The following WWOX variants were observed in gnomAD, a reference collection of about 807,000 sequenced individuals.
WWOX encodes WW domain-containing oxidoreductase.
Under a neutral mutation model 46.2 loss-of-function variants are expected in WWOX, and 69 were observed. The observed-to-expected ratio is 1.49, with a 90% CI of 1.23 to 1.82. The LOEUF (loss-of-function observed/expected upper bound fraction) is 1.82, where lower values mean the gene tolerates loss of function less well. Among genes scored for constraint, WWOX ranks in the 40% most tolerant of loss-of-function variants. The pLI, the probability that WWOX is intolerant of heterozygous loss-of-function variation, is 0.00. For missense variants in WWOX, 919 were observed against 542.6 expected, an observed-to-expected ratio of 1.69 and a Z score of -6.89; for synonymous variants, 359 against 202.6, an observed-to-expected ratio of 1.77 and a Z score of -6.56.
chr16:78,935,732 G>A (rs62035964), intron 8 of WWOX, among the ~76,000 whole-genome samples: 15,650 of 151,768 alleles, frequency 0.1, 1,038 homozygotes, highest in Non-Finnish European at 0.15. Context: ...TTGTGCACAT[G>A]TACCCTAGAA....
chr16:78,200,947 T>C (rs975142024), intron 5 of WWOX, among the ~76,000 whole-genome samples: 1 of 152,210 alleles, frequency 6.6e-6, no homozygotes, highest in Non-Finnish European at 1.5e-5. Context: ...AAGCTTTTGA[T>C]TGAAAGGTAA....
intron 8 of WWOX, among the ~76,000 whole-genome samples, chr16:79,094,033 G>A (rs2049018236): frequency 6.6e-6 from 1 of 152,152 alleles, no homozygotes; most frequent in Admixed American, 6.5e-5. Context: ...TGTCCATGGG[G>A]TCACTCAGAA....
At chr16:78,530,212 C>A (rs892128177) in intron 8 of WWOX, among the ~76,000 whole-genome samples, 1 of 152,182 alleles carries the variant, frequency 6.6e-6, no homozygotes, top group Non-Finnish European at 1.5e-5. Context: ...AGGAGTGTTA[C>A]AGTCAGTGCT....
chr16:78,830,312 A>G (rs1449068177), intron 8 of WWOX, among the ~76,000 whole-genome samples: 1 of 151,936 alleles, frequency 6.6e-6, no homozygotes, highest in Non-Finnish European at 1.5e-5. Flanking sequence ...AAGCATATTT[A>G]TATATATACA....
chr16:79,027,338 C>G (rs1041595045), intron 8 of WWOX, among the ~76,000 whole-genome samples: 1 of 150,378 alleles, frequency 6.6e-6, no homozygotes, highest in African/African-American at 2.5e-5. Flanking sequence ...TAATATAGCT[C>G]TGCAGAACTT....
At chr16:78,782,706 A>G in intron 8 of WWOX, among the ~76,000 whole-genome samples, 1 of 138,778 alleles carries the variant, frequency 7.2e-6, no homozygotes, top group Non-Finnish European at 1.5e-5. Flanking sequence ...TTGTGATCAT[A>G]CTATATATGC....
At chr16:79,178,545 G>C (rs1051556304) in intron 8 of WWOX, among the ~76,000 whole-genome samples, 8 of 152,066 alleles carry the variant, frequency 5.3e-5, no homozygotes, top group African/African-American at 1.4e-4. Flanking sequence ...TCAAACTCCT[G>C]AGCTCAAGTG....
intron 5 of WWOX, among the ~76,000 whole-genome samples, chr16:78,216,358 GTGT>G (rs1217572682): frequency 8.5e-5 from 13 of 152,182 alleles, no homozygotes; most frequent in Non-Finnish European, 1.6e-4. Context: ...TTGTTTCCAA[GTGT>G]ATTAGTTTCT....
chr16:78,128,658 C>G (rs2033458849), intron 4 of WWOX, among the ~76,000 whole-genome samples: 1 of 152,144 alleles, frequency 6.6e-6, no homozygotes, highest in South Asian at 2.1e-4. Context: ...ACTCTTTTTC[C>G]TGGTGATCAC....
chr16:78,387,607 A>G (rs1166946239), intron 6 of WWOX, among the ~76,000 whole-genome samples: 1 of 152,072 alleles, frequency 6.6e-6, no homozygotes. Context: ...AGACAGAGAG[A>G]CAGACAGGAG....
At chr16:78,857,100 A>G (rs1313667823) in intron 8 of WWOX, among the ~76,000 whole-genome samples, 2 of 152,248 alleles carry the variant, frequency 1.3e-5, no homozygotes, top group African/African-American at 4.8e-5. Context: ...TTCATTGTTG[A>G]TCAAAATGTC....
chr16:78,533,363 G>T (rs540327287), intron 8 of WWOX, among the ~76,000 whole-genome samples: 21 of 150,942 alleles, frequency 1.4e-4, no homozygotes, highest in African/African-American at 4.9e-4. Context: ...CACATTGGAA[G>T]AAAAAGAATT....
intron 8 of WWOX, among the ~76,000 whole-genome samples, chr16:78,466,536 T>G (rs1407251696): frequency 6.6e-6 from 1 of 152,176 alleles, no homozygotes; most frequent in Admixed American, 6.5e-5. Context: ...GTTGTTGTTT[T>G]TTAAATATTC....
intron 8 of WWOX, among the ~76,000 whole-genome samples, chr16:78,510,995 C>T (rs142860906): frequency 2.0e-5 from 3 of 152,222 alleles, no homozygotes; most frequent in South Asian, 4.1e-4. Flanking sequence ...GTGCCTACCC[C>T]ACGTGTCCAG....
chr16:78,436,479 C>G (rs777712902), intron 8 of WWOX, among the ~76,000 whole-genome samples: 25 of 152,290 alleles, frequency 1.6e-4, no homozygotes, highest in Middle Eastern at 6.8e-3. Context: ...ATGACGAAGA[C>G]TGTGGAATAT....
At position 79,211,550 on chromosome 16, in the gene WWOX, G is replaced by A. The variant is rs369165351; in HGVS notation, c.1057-58G>A. 303 of 1,609,762 alleles carry A rather than the reference G, an allele frequency of 1.9e-4. 3 individuals carry two copies. Among genetic ancestry groups the A allele is most frequent in the Middle Eastern group, 1.8e-4 (1 of 5,426 alleles). On this transcript the variant is annotated intron_variant, in intron 8 of 8. Coordinates refer to ENST00000566780, the MANE Select transcript of WWOX (RefSeq NM_016373.4). ...CTAATGCCCAGGCAGTCGAAATGAC[G>A]CCATCTCATCACTCCTTTTCTTAAA...
rs376177739 is a variant in WWOX, at chr16:78,456,602, G to C, written c.1056+23850G>C. Reference sequence around the variant, plus strand: ...ATTTTTTTCTTCTGATGGGTATGTAGTTCATTTTTATAAAAAAATTTAAAA... The same window carrying C: ...ATTTTTTTCTTCTGATGGGTATGTACTTCATTTTTATAAAAAAATTTAAAA... On this transcript the variant is annotated intron_variant, in intron 8 of 8. Transcript: ENST00000566780. Among the ~76,000 whole-genome samples, 24 of 152,190 alleles carry C rather than the reference G, an allele frequency of 1.6e-4. No individual in the cohort carries two copies. The South Asian group carries it at 4.8e-3, about 30-fold the overall frequency.
intron 8 of WWOX, among the ~76,000 whole-genome samples, chr16:78,947,098 G>A (rs1243281333): frequency 6.8e-6 from 1 of 147,740 alleles, no homozygotes; most frequent in Non-Finnish European, 1.5e-5. Flanking sequence ...ATAAATCCCT[G>A]TGGAAAAAAA....
intron 8 of WWOX, among the ~76,000 whole-genome samples, chr16:78,434,895 G>T (rs758154854): frequency 6.6e-6 from 1 of 152,198 alleles, no homozygotes; most frequent in Non-Finnish European, 1.5e-5. Context: ...GCCAGGGCAT[G>T]TGGGAAAAGA....
Sources: gnomAD v4.1 joint callset for allele counts (sites outside exome capture counted in the v4.1 genomes callset) on GRCh38, gnomAD v4.1.1 for gene constraint, MANE v1.5 for transcripts, NCBI Gene and HGNC (gene_info 2026-07-23, HGNC 2026-07-21) for gene names.